Variants in MEX3C observed in about 807,000 individuals in gnomAD.
MEX3C encodes the protein RNA-binding E3 ubiquitin-protein ligase MEX3C.
Under a neutral mutation model 35.5 loss-of-function variants are expected in MEX3C, and 15 were observed. That is an observed-to-expected ratio of 0.42 (90% CI 0.28 to 0.65). The LOEUF (loss-of-function observed/expected upper bound fraction) is 0.65, where lower values mean the gene tolerates loss of function less well. Ranked by LOEUF, MEX3C falls within the 30% of genes least tolerant of loss-of-function variation. The pLI is 0.20. For synonymous variants in MEX3C, 390 were observed against 352.8 expected (o/e 1.11, Z -1.18); for missense variants, 711 against 842.8 (o/e 0.84, Z 1.94).
At chr18:51,189,833 T>A (rs183593368) in intron 1 of MEX3C, among the ~76,000 whole-genome samples, 116 of 152,286 alleles carry the variant, frequency 7.6e-4, no homozygotes, top group Admixed American at 1.3e-3. Flanking sequence ...AGGAAATACA[T>A]TTCCAAAGCT....
chr18:51,191,175 G>A (rs1306705513), intron 1 of MEX3C, among the ~76,000 whole-genome samples: 1 of 152,144 alleles, frequency 6.6e-6, no homozygotes, highest in Non-Finnish European at 1.5e-5. Flanking sequence ...AAATAGTACT[G>A]TAGTAGTCAT....
intron 1 of MEX3C, among the ~76,000 whole-genome samples, chr18:51,184,766 G>A (rs1450355714): frequency 1.3e-5 from 2 of 152,000 alleles, no homozygotes; most frequent in Non-Finnish European, 2.9e-5. Context: ...GCTGAGGTTG[G>A]GAGGATCACC....
At chr18:51,183,108 G>T (rs563852585) in intron 1 of MEX3C, among the ~76,000 whole-genome samples, 1 of 152,194 alleles carries the variant, frequency 6.6e-6, no homozygotes, top group Non-Finnish European at 1.5e-5. Context: ...GTTGAAAATG[G>T]TAATACTATA....
chr18:51,188,590 C>A (rs1296786976), intron 1 of MEX3C, among the ~76,000 whole-genome samples: 2 of 101,372 alleles, frequency 2.0e-5, no homozygotes, highest in Non-Finnish European at 4.0e-5. Flanking sequence ...AGAGTGAGAC[C>A]CTGTCTCAAA....
Position 51,197,499 on chromosome 18 carries a change from CG to C in MEX3C, c.-180del, listed in dbSNP as rs1160856308. On this transcript the variant is annotated 5_prime_UTR_variant, in exon 1 of 2. Transcript: ENST00000406189. ...AGGGCCGCCCGGAGACCGGAGAGGG[CG>C]GGGTGGAGGGGCAGGGGAAGGAGGC... Among the ~76,000 whole-genome samples, 2 of 50,900 alleles carry C rather than the reference CG, an allele frequency of 3.9e-5. No individual in the cohort carries two copies. Among genetic ancestry groups the C allele is most frequent in the African/African-American group, 1.6e-4 (2 of 12,820 alleles). 33.4% of individuals were successfully genotyped at this position (50,900 alleles called of 152,430 possible).
rs764822062 is a variant in MEX3C, at chr18:51,196,554, C to A, written c.754+13G>T. Reference sequence around the variant, plus strand: ...GGCCATGCCCAGCTGGACCTCCCCACCCCTGCACTCACCCTGGCGGCCGAC... The same window carrying A: ...GGCCATGCCCAGCTGGACCTCCCCAACCCTGCACTCACCCTGGCGGCCGAC... On this transcript the variant is annotated intron_variant, in intron 1 of 1. Coordinates refer to ENST00000406189, the MANE Select transcript of MEX3C (RefSeq NM_016626.5). The A allele has an allele frequency of 4.5e-6, 7 of 1,568,838 alleles. No individual in the cohort carries two copies. Among genetic ancestry groups the A allele is most frequent in the Middle Eastern group, 1.9e-4 (1 of 5,330 alleles).
chr18:51,186,830 C>T (rs1411002415), intron 1 of MEX3C, among the ~76,000 whole-genome samples: 1 of 152,160 alleles, frequency 6.6e-6, no homozygotes, highest in Non-Finnish European at 1.5e-5. Flanking sequence ...AAACTAAACG[C>T]ATTATGTTTT....
chr18:51,197,333 C>T lies in MEX3C; in HGVS notation c.-13G>A, dbSNP rs1168806611. 7.4e-6 allele frequency: 3 copies of T among 405,184 alleles called. No homozygotes were observed. In the East Asian group the frequency reaches 4.9e-4, roughly 66 times the overall value. 25.1% of individuals were successfully genotyped at this position (405,184 alleles called of 1,614,324 possible). On this transcript the variant is annotated 5_prime_UTR_variant, in exon 1 of 2. Coordinates refer to ENST00000406189, the MANE Select transcript of MEX3C (RefSeq NM_016626.5). ...TGCCGCTGGGCATCGCGGCGGCGCG[C>T]TGTCAATGGCGGCGGCGGCGGCCGG...
At chr18:51,186,928 TA>T (rs1244879007) in intron 1 of MEX3C, among the ~76,000 whole-genome samples, 1 of 152,230 alleles carries the variant, frequency 6.6e-6, no homozygotes, top group Non-Finnish European at 1.5e-5. Context: ...GCATTATGTG[TA>T]TATTTTCACT....
intron 1 of MEX3C, among the ~76,000 whole-genome samples, chr18:51,181,332 ACAC>A (rs1013784828): frequency 4.6e-5 from 6 of 129,320 alleles, no homozygotes; most frequent in African/African-American, 1.5e-4. Context: ...GCATGCACAC[ACAC>A]ATCTCTCCCC....
At position 51,176,280 on chromosome 18, in the gene MEX3C, T is replaced by G. The variant is rs568782371; in HGVS notation, c.*71A>C. On this transcript the variant is annotated 3_prime_UTR_variant, in exon 2 of 2. Transcript: ENST00000406189. ...CATAAGAAATCATTAGGAAGTTTAC[T>G]GGGGGGTACCATTATACCCATGCCT... The G allele has an allele frequency of 7.4e-7, 1 of 1,356,128 alleles. No homozygotes were observed. Among genetic ancestry groups the G allele is most frequent in the South Asian group, 1.5e-5 (1 of 65,770 alleles). The allele number at this position is 1,356,128 out of a possible 1,614,324, so 84.0% of individuals were successfully genotyped here.
intron 1 of MEX3C, chr18:51,196,017 C>T (rs1361894366): frequency 6.5e-6 from 1 of 153,704 alleles, no homozygotes; most frequent in African/African-American, 2.4e-5. Flanking sequence ...TTTTCCAAAG[C>T]TAAGTTTCTC....
chr18:51,178,284 C>T (rs754341164), intron 1 of MEX3C, among the ~76,000 whole-genome samples: 3 of 152,010 alleles, frequency 2.0e-5, no homozygotes, highest in Admixed American at 6.6e-5. Flanking sequence ...AAATAAAAGG[C>T]CATGACCCCA....
intron 1 of MEX3C, among the ~76,000 whole-genome samples, chr18:51,187,864 A>C (rs986585298): frequency 6.6e-6 from 1 of 152,212 alleles, no homozygotes; most frequent in African/African-American, 2.4e-5. Context: ...AGCTCCTTTC[A>C]TTTTATAGAA....
chr18:51,176,687 A>G lies in MEX3C; in HGVS notation c.1644T>C (p.Phe548=), dbSNP rs779317872. The G allele has an allele frequency of 6.2e-7, 1 of 1,613,988 alleles. No individual in the cohort carries two copies. The highest frequency in any genetic ancestry group is 1.3e-5 in the African/African-American group (1 of 75,040). Residue 548 remains phenylalanine, a synonymous_variant, in exon 2 of 2, where the codon TTT becomes TTC. Transcript: ENST00000406189. ...CAAGTGGATGTTCTATGCTCTCAGG[A>G]AATGTAGGAGACAGACGAGGAGTAG... ...QPSTPRLSPT[F]PESIEHPLAR...
At chr18:51,192,527 T>C (rs1912673845) in intron 1 of MEX3C, among the ~76,000 whole-genome samples, 1 of 152,208 alleles carries the variant, frequency 6.6e-6, no homozygotes, top group South Asian at 2.1e-4. Context: ...AAACTGTGCC[T>C]TGTGGGTAGT....
intron 1 of MEX3C, among the ~76,000 whole-genome samples, chr18:51,189,204 C>T (rs528224006): frequency 6.6e-6 from 1 of 152,264 alleles, no homozygotes; most frequent in South Asian, 2.1e-4. Context: ...AAAGATAAAA[C>T]ATATCATAAA....
At chr18:51,195,411 A>T (rs1411188066) in intron 1 of MEX3C, 1 of 152,266 alleles carries the variant, frequency 6.6e-6, no homozygotes, top group Non-Finnish European at 1.5e-5. Context: ...AAAATCCTAC[A>T]GATAGGAAAG....
chr18:51,180,937 T>C (rs541163482), intron 1 of MEX3C, among the ~76,000 whole-genome samples: 6 of 152,314 alleles, frequency 3.9e-5, no homozygotes, highest in South Asian at 2.1e-4. Flanking sequence ...TATTCTGAGT[T>C]CCAAACAACT....
Sources: gnomAD v4.1 joint callset for allele counts (sites outside exome capture counted in the v4.1 genomes callset) on GRCh38, gnomAD v4.1.1 for gene constraint, MANE v1.5 for transcripts, NCBI Gene and HGNC (gene_info 2026-07-23, HGNC 2026-07-21) for gene names.